DPF3: variants seen among roughly 807,000 people sequenced by gnomAD.
DPF3 encodes zinc finger protein DPF3.
A neutral mutation model predicts 56.8 loss-of-function variants in DPF3; 18 were observed. The observed-to-expected ratio is 0.32, with a 90% CI of 0.22 to 0.47. The LOEUF is 0.47. Ranked by LOEUF, DPF3 falls within the 20% of genes least tolerant of loss-of-function variation. DPF3 has a pLI of 1.00. For synonymous variants in DPF3, 188 were observed against 180.2 expected (o/e 1.04, Z -0.35); for missense variants, 403 against 488.8 (o/e 0.82, Z 1.65).
chr14:72,659,701 T>C (rs1886149889), intron 8 of DPF3, among the ~76,000 whole-genome samples: 1 of 152,206 alleles, frequency 6.6e-6, no homozygotes, highest in African/African-American at 2.4e-5. Flanking sequence ...AAGAAGATAT[T>C]TTATTCCTTA....
chr14:72,694,392 A>T (rs1887824925), intron 6 of DPF3, among the ~76,000 whole-genome samples: 1 of 152,238 alleles, frequency 6.6e-6, no homozygotes, highest in African/African-American at 2.4e-5. Context: ...CACGTCATAC[A>T]AGGAAGCATA....
intron 4 of DPF3, among the ~76,000 whole-genome samples, chr14:72,727,733 G>C (rs1381185702): frequency 6.6e-6 from 1 of 152,110 alleles, no homozygotes; most frequent in African/African-American, 2.4e-5. Context: ...GAGTAGAGAG[G>C]ATAGGTATCT....
intron 1 of DPF3, among the ~76,000 whole-genome samples, chr14:72,892,816 T>C (rs1886806948): frequency 6.6e-6 from 1 of 152,098 alleles, no homozygotes; most frequent in Non-Finnish European, 1.5e-5. Context: ...CCACCTCGGA[T>C]ACGGAGGGAG....
intron 8 of DPF3, among the ~76,000 whole-genome samples, chr14:72,648,217 C>T (rs1195328364): frequency 6.6e-6 from 1 of 152,166 alleles, no homozygotes; most frequent in Non-Finnish European, 1.5e-5. Flanking sequence ...ATATCTTATA[C>T]CCCATCCTCA....
intron 1 of DPF3, among the ~76,000 whole-genome samples, chr14:72,813,130 T>C (rs954341025): frequency 6.6e-6 from 1 of 152,114 alleles, no homozygotes; most frequent in African/African-American, 2.4e-5. Flanking sequence ...GTCCCAGCAT[T>C]CCTTTGTCCC....
intron 1 of DPF3, among the ~76,000 whole-genome samples, chr14:72,816,620 C>T (rs763393706): frequency 6.6e-6 from 1 of 151,566 alleles, no homozygotes; most frequent in Non-Finnish European, 1.5e-5. Context: ...CCTGCCTATC[C>T]TGATACATCA....
rs552312789 is a variant in DPF3, at chr14:72,879,955, T to G, written c.32+14102A>C. 3.6e-4 allele frequency: 539 copies of G among 1,485,380 alleles called. 9 individuals are homozygous for G. In the South Asian group the frequency reaches 6.4e-3, roughly 18 times the overall value. The allele number at this position is 1,485,380 out of a possible 1,614,324, so 92.0% of individuals were successfully genotyped here. A position where few individuals can be genotyped will look rare whatever the true frequency, so the allele number is the denominator to read the frequency against. ...TAGGATTCTTGAAAGGGCCTGTGATTGCCAAAGAAAGGTGAAAAAGAAACA... is the reference window on the plus strand; with the variant it reads ...TAGGATTCTTGAAAGGGCCTGTGATGGCCAAAGAAAGGTGAAAAAGAAACA... On this transcript the variant is annotated intron_variant, in intron 1 of 10. Coordinates refer to ENST00000556509, the MANE Select transcript of DPF3 (RefSeq NM_001280542.3).
intron 6 of DPF3, among the ~76,000 whole-genome samples, chr14:72,709,988 C>G (rs1888583183): frequency 6.6e-6 from 1 of 152,240 alleles, no homozygotes; most frequent in Non-Finnish European, 1.5e-5. Flanking sequence ...CTTTGCTCCT[C>G]CCTGCATGGC....
At chr14:72,888,905 G>A (rs577357477) in intron 1 of DPF3, among the ~76,000 whole-genome samples, 84 of 152,252 alleles carry the variant, frequency 5.5e-4, no homozygotes, top group African/African-American at 1.9e-3. Flanking sequence ...AGCCCCCATC[G>A]CCACTACTGT....
chr14:72,653,056 G>GCAAGA (rs1885963180), intron 8 of DPF3, among the ~76,000 whole-genome samples: 1 of 152,206 alleles, frequency 6.6e-6, no homozygotes, highest in African/African-American at 2.4e-5. Context: ...CCAGGCATAA[G>GCAAGA]CAAGACAATT....
chr14:72,852,953 T>C (rs979150378), intron 1 of DPF3, among the ~76,000 whole-genome samples: 1 of 152,058 alleles, frequency 6.6e-6, no homozygotes, highest in Non-Finnish European at 1.5e-5. Flanking sequence ...AATTTACCAA[T>C]AGTCAAAGAA....
intron 1 of DPF3, among the ~76,000 whole-genome samples, chr14:72,862,274 T>C (rs556398194): frequency 6.6e-6 from 1 of 152,156 alleles, no homozygotes. Context: ...AATTGGCCTC[T>C]CAAGCCTTCC....
At chr14:72,883,450 A>G (rs1261552067) in intron 1 of DPF3, among the ~76,000 whole-genome samples, 1 of 151,934 alleles carries the variant, frequency 6.6e-6, no homozygotes, top group Non-Finnish European at 1.5e-5. Flanking sequence ...GAGTGATCGC[A>G]CTACTGCACT....
intron 1 of DPF3, among the ~76,000 whole-genome samples, chr14:72,890,403 A>G (rs1886702799): frequency 6.6e-6 from 1 of 151,996 alleles, no homozygotes; most frequent in African/African-American, 2.4e-5. Context: ...AGGCACAAGA[A>G]TCACTTGAAC....
At chr14:72,826,220 A>G (rs535273803) in intron 1 of DPF3, among the ~76,000 whole-genome samples, 6 of 152,266 alleles carry the variant, frequency 3.9e-5, no homozygotes, top group African/African-American at 1.4e-4. Flanking sequence ...AATTTTCCTT[A>G]TCTCTCTAAG....
intron 9 of DPF3, 93 bp downstream of exon 9, chr14:72,629,531 G>T: frequency 8.1e-7 from 1 of 1,227,772 alleles, no homozygotes; most frequent in Non-Finnish European, 1.1e-6. Context: ...GGCCCCAGGG[G>T]CCTAGTGACA....
chr14:72,711,496 G>T (rs1331249912), intron 6 of DPF3, among the ~76,000 whole-genome samples: 2 of 152,138 alleles, frequency 1.3e-5, no homozygotes, highest in Non-Finnish European at 2.9e-5. Flanking sequence ...TGAGAGGGTG[G>T]ACAGGGCATA....
chr14:72,722,351 T>C (rs1447680868), intron 5 of DPF3, among the ~76,000 whole-genome samples: 2 of 152,184 alleles, frequency 1.3e-5, no homozygotes, highest in Admixed American at 1.3e-4. Flanking sequence ...CAGCCCCACA[T>C]GCGACAGGCT....
In DPF3 at chr14:72,610,302, G is replaced by A. The variant is rs531112362; in HGVS notation, c.*8995C>T. On this transcript the variant is annotated 3_prime_UTR_variant, in exon 11 of 11. Transcript: ENST00000556509. ...AGCCTGTGCAGGCCTGAGCTTCCTC[G>A]TGGAGCAGCAGGTAGGCAGCTCATT... Among the ~76,000 whole-genome samples, 50 of 152,274 alleles carry A rather than the reference G, an allele frequency of 3.3e-4. No homozygotes were observed. The highest frequency in any genetic ancestry group is 1.1e-3 in the African/African-American group (45 of 41,562).
Sources: gnomAD v4.1 joint callset for allele counts (sites outside exome capture counted in the v4.1 genomes callset) on GRCh38, gnomAD v4.1.1 for gene constraint, MANE v1.5 for transcripts, NCBI Gene and HGNC (gene_info 2026-07-23, HGNC 2026-07-21) for gene names.